EPB41L3: variants seen among roughly 807,000 people sequenced by gnomAD.
EPB41L3 encodes the protein band 4.1-like protein 3.
Under a neutral mutation model 127.1 loss-of-function variants are expected in EPB41L3, and 57 were observed. That is an observed-to-expected ratio of 0.45 (90% confidence interval 0.36 to 0.56). EPB41L3 has a LOEUF of 0.56. EPB41L3 is among the 20% of genes least tolerant of loss of function. The pLI, the probability that EPB41L3 is intolerant of heterozygous loss-of-function variation, is 0.00. For synonymous variants in EPB41L3, 572 were observed against 549.5 expected (o/e 1.04, Z -0.57); for missense variants, 1,273 against 1,372.2 (o/e 0.93, Z 1.14).
Position 5,478,405 on chromosome 18 carries a change from C to G in EPB41L3, c.217G>C (p.Ala73Pro). 6.2e-7 allele frequency: 1 copy of G among 1,614,130 alleles called. No individual in the cohort carries two copies. Among genetic ancestry groups the G allele is most frequent in the Non-Finnish European group, 8.5e-7 (1 of 1,180,022 alleles). ...TDKEQEFAAR[A>P]AKQLEYQQLE... ...TGCTGATATTCGAGCTGTTTTGCAG[C>G]CCTGGCAGCAAACTCCTGTTCCTTG... is the stretch of plus-strand genomic sequence containing the variant. Residue 73 changes from alanine (A) to proline (P), a missense_variant, in exon 3 of 23, where the codon GCT (alanine) becomes CCT (proline). Physicochemically the swap from Ala to Pro is conservative, Grantham distance 27 (BLOSUM62 -1). Transcript: ENST00000341928.
At chr18:5,410,489 G>T in intron 14 of EPB41L3, 77 bp downstream of exon 14, 2 of 995,688 alleles carry the variant, frequency 2.0e-6, no homozygotes, top group South Asian at 1.3e-5. Context: ...CTCATATGTG[G>T]AGTTCTTAAA....
At chr18:5,482,679 C>A (rs775121727) in intron 2 of EPB41L3, among the ~76,000 whole-genome samples, 1 of 152,174 alleles carries the variant, frequency 6.6e-6, no homozygotes, top group Non-Finnish European at 1.5e-5. Context: ...AAAACCCACA[C>A]AGGCCAGGAA....
intron 5 of EPB41L3, 50 bp downstream of exon 5, chr18:5,443,788 C>A: frequency 6.6e-7 from 1 of 1,503,848 alleles, no homozygotes; most frequent in Non-Finnish European, 9.2e-7. Flanking sequence ...AGACAACTTG[C>A]TCTCTGAAAA....
At chr18:5,545,765 C>T (rs183578088), upstream of EPB41L3, among the ~76,000 whole-genome samples, 3 of 152,160 alleles carry the variant, frequency 2.0e-5, no homozygotes, top group Admixed American at 2.0e-4. Flanking sequence ...ATAAAGGTGA[C>T]AGTTCCAATA....
chr18:5,546,577 A>G (rs969936484), upstream of EPB41L3, among the ~76,000 whole-genome samples: 15 of 152,198 alleles, frequency 9.9e-5, no homozygotes, highest in African/African-American at 3.6e-4. Flanking sequence ...TTATGGTAAT[A>G]TTCCACGAAT....
chr18:5,590,105 G>A (rs1351792408), intron 3 of EPB41L3, among the ~76,000 whole-genome samples: 1 of 152,182 alleles, frequency 6.6e-6, no homozygotes, highest in Non-Finnish European at 1.5e-5. Flanking sequence ...GAAAGAAGAA[G>A]GACAATACAC....
intron 1 of EPB41L3, among the ~76,000 whole-genome samples, chr18:5,621,268 G>T (rs2094858611): frequency 6.6e-6 from 1 of 152,142 alleles, no homozygotes; most frequent in Non-Finnish European, 1.5e-5. Context: ...GCAAGCAGGG[G>T]AGAGATCTCC....
rs1465224635 is a variant in EPB41L3 at position 5,543,043 on chromosome 18, G to A, written c.-12+870C>T. Among the ~76,000 whole-genome samples the A allele has an allele frequency of 1.3e-5, 2 of 151,972 alleles. No individual in the cohort carries two copies. Among genetic ancestry groups the A allele is most frequent in the South Asian group, 2.1e-4 (1 of 4,836 alleles). On this transcript the variant is annotated intron_variant, in intron 1 of 22. Coordinates refer to ENST00000341928, the MANE Select transcript of EPB41L3 (RefSeq NM_012307.5). This position sits in a 1 kb window ranked among gnomAD's most constrained non-coding sequence, Gnocchi z 5.2. ...GCAGACACCTCCCGAGGAGAATCGC[G>A]GCCCCGAGGGCGCCAGGTGAGTCGC...
intron 1 of EPB41L3, among the ~76,000 whole-genome samples, chr18:5,526,081 T>C (rs974679792): frequency 1.3e-5 from 2 of 152,120 alleles, no homozygotes; most frequent in Admixed American, 6.5e-5. Context: ...CAATTATCTA[T>C]GTCATTAGAG....
chr18:5,473,254 G>C (rs151131173), intron 3 of EPB41L3, among the ~76,000 whole-genome samples: 2 of 152,120 alleles, frequency 1.3e-5, no homozygotes, highest in East Asian at 3.9e-4. Flanking sequence ...CCTCATTATT[G>C]AATTGGCAAT....
chr18:5,408,852 A>G (rs2075837971), intron 14 of EPB41L3, among the ~76,000 whole-genome samples: 1 of 152,194 alleles, frequency 6.6e-6, no homozygotes, highest in Non-Finnish European at 1.5e-5. Context: ...GCCAAGCCAC[A>G]TGTGCATGTA....
At chr18:5,482,234 T>C (rs958120908) in intron 2 of EPB41L3, among the ~76,000 whole-genome samples, 1 of 152,124 alleles carries the variant, frequency 6.6e-6, no homozygotes, top group African/African-American at 2.4e-5. Flanking sequence ...GAAGAACTCA[T>C]TAGAGGCTCT....
intron 6 of EPB41L3, among the ~76,000 whole-genome samples, chr18:5,435,127 G>T (rs2145857584): frequency 6.6e-6 from 1 of 152,228 alleles, no homozygotes; most frequent in Admixed American, 6.5e-5. Flanking sequence ...TATAAAGAAA[G>T]AAAATATTTT....
chr18:5,498,952 C>T (rs1380531998), intron 1 of EPB41L3, among the ~76,000 whole-genome samples: 2 of 152,140 alleles, frequency 1.3e-5, no homozygotes, highest in Non-Finnish European at 2.9e-5. Context: ...TCATATCCTC[C>T]CTAATGGTTC....
chr18:5,498,325 G>A (rs1267243327), intron 1 of EPB41L3, among the ~76,000 whole-genome samples: 3 of 152,094 alleles, frequency 2.0e-5, no homozygotes, highest in Admixed American at 1.3e-4. Flanking sequence ...TGGGCGCCGT[G>A]GCTCACGCCT....
intron 3 of EPB41L3, among the ~76,000 whole-genome samples, chr18:5,572,067 C>A (rs1053757413): frequency 6.6e-5 from 10 of 152,146 alleles, no homozygotes; most frequent in African/African-American, 2.2e-4. Flanking sequence ...CAGAGTCAGA[C>A]GACAGTCTCA....
At chr18:5,428,491 A>G in intron 8 of EPB41L3, 26 bp from the exon 9 acceptor site, 1 of 1,613,496 alleles carries the variant, frequency 6.2e-7, no homozygotes, top group Non-Finnish European at 8.5e-7. Flanking sequence ...AAGAAACAAC[A>G]GATCAGTATC....
intron 3 of EPB41L3, among the ~76,000 whole-genome samples, chr18:5,596,756 T>C (rs1349931667): frequency 1.3e-5 from 2 of 152,200 alleles, no homozygotes; most frequent in Non-Finnish European, 2.9e-5. Flanking sequence ...TCTTTTAAAA[T>C]AAAAACATTA....
rs2094943009 is a variant in EPB41L3 at position 5,628,130 on chromosome 18, G to C, written c.-468+792C>G. ...TACGCCGCAAAGCAGCACAATTACA[G>C]CCTGGGAGGGGCAAGTCTTGCGGGG... On this transcript the variant is annotated intron_variant, in intron 1 of 21. Coordinates refer to the EPB41L3 transcript ENST00000545076. 2.0e-5 allele frequency among the ~76,000 whole-genome samples: 3 copies of C among 152,338 alleles called. No homozygotes were observed. The South Asian group carries it at 6.2e-4, about 32-fold the overall frequency.
Sources: allele counts gnomAD v4.1 joint callset (sites outside exome capture counted in the v4.1 genomes callset), GRCh38; gene constraint gnomAD v4.1.1; non-coding constraint Gnocchi (gnomAD v3.1); transcripts MANE v1.5; gene names NCBI Gene and HGNC (gene_info 2026-07-23, HGNC 2026-07-21).